WDR48: variants seen among roughly 807,000 people sequenced by gnomAD.
WDR48 encodes the protein WD repeat domain 48, also known as WD repeat-containing protein 48.
WDR48 carries 22 observed loss-of-function variants against 94.0 expected under a neutral mutation model. That is an observed-to-expected ratio of 0.23 (90% confidence interval 0.17 to 0.33). WDR48 has a LOEUF of 0.33. Among genes scored for constraint, WDR48 ranks in the 10% least tolerant of loss-of-function variants. The pLI, the probability that WDR48 is intolerant of heterozygous loss-of-function variation, is 1.00. For synonymous variants in WDR48, 278 were observed against 280.5 expected (o/e 0.99, Z 0.09); for missense variants, 541 against 813.8 (o/e 0.66, Z 4.08).
At chr3:39,090,673 T>C (rs2035032601) in intron 16 of WDR48, 1 of 152,236 alleles carries the variant, frequency 6.6e-6, no homozygotes, top group African/African-American at 2.4e-5. Flanking sequence ...TTTCTACTTA[T>C]CTGGGATGCT....
At chr3:39,078,858 G>A (rs942953303) in intron 10 of WDR48, among the ~76,000 whole-genome samples, 23 of 151,688 alleles carry the variant, frequency 1.5e-4, no homozygotes, top group African/African-American at 4.3e-4. Flanking sequence ...GTGAAACCCC[G>A]TCTCTACTAA....
chr3:39,093,869 T>G lies in WDR48; in HGVS notation c.1746-5T>G. On this transcript the variant is annotated splice_polypyrimidine_tract_variant and splice_region_variant and intron_variant, in intron 17 of 18. Coordinates refer to ENST00000302313, the MANE Select transcript of WDR48 (RefSeq NM_020839.4). ...ATGTCACAATATGCCATTGCTTTTT[T>G]ACAGAGATAGACTCTCTGCTAGTGA... 1 of 1,545,324 alleles carries G rather than the reference T, an allele frequency of 6.5e-7. No individual in the cohort carries two copies. The highest frequency in any genetic ancestry group is 2.1e-5 in the Admixed American group (1 of 48,664).
Position 39,094,639 on chromosome 3 carries a change from G to A in WDR48, c.1939-9G>A, listed in dbSNP as rs2035251996. On this transcript the variant is annotated splice_polypyrimidine_tract_variant and intron_variant, in intron 18 of 18. Transcript: ENST00000302313. ...TTTGAAATTTTTAAATTTAATTTTG[G>A]CTATTCAGGTTTTGGATCCAAATAT... 6.2e-7 allele frequency: 1 copy of A among 1,613,878 alleles called. No homozygotes were observed. Among genetic ancestry groups the A allele is most frequent in the Admixed American group, 1.7e-5 (1 of 59,994 alleles).
intron 15 of WDR48, 54 bp downstream of exon 15, chr3:39,088,287 G>A (rs979465773): frequency 3.2e-5 from 50 of 1,542,252 alleles, no homozygotes; most frequent in Non-Finnish European, 4.5e-5. Context: ...CATTTGCTAA[G>A]AAGTGTCGAC....
intron 11 of WDR48, among the ~76,000 whole-genome samples, chr3:39,080,226 C>T (rs2034450225): frequency 6.6e-6 from 1 of 152,144 alleles, no homozygotes; most frequent in South Asian, 2.1e-4. Context: ...GTGTGGCAAC[C>T]ACAAGTGTCT....
rs1272151885 is a variant in WDR48, at chr3:39,088,184, C to G, written c.1531C>G (p.Pro511Ala). The G allele has an allele frequency of 6.2e-7, 1 of 1,614,110 alleles. No homozygotes were observed. The highest frequency in any genetic ancestry group is 1.7e-5 in the Admixed American group (1 of 60,016). The part of the protein sequence containing the change: ...QKGNGYFQVP[P>A]HTPVIFGEAG... Reference sequence around the variant, plus strand: ...GGGAAATGGATATTTTCAAGTGCCCCCACATACACCCGTGATCTTTGGTGA... The same window carrying G: ...GGGAAATGGATATTTTCAAGTGCCCGCACATACACCCGTGATCTTTGGTGA... Residue 511 changes from proline (P) to alanine (A), a missense_variant, in exon 15 of 19, where the codon CCA becomes GCA. This residue lies in a region of WDR48 where 238 missense variants were observed against 285.3 expected (regional missense o/e 0.83). Transcript: ENST00000302313.
At chr3:39,067,014 C>A in intron 5 of WDR48, 139 bp downstream of exon 5, 1 of 960,610 alleles carries the variant, frequency 1.0e-6, no homozygotes. Context: ...AGCGTTCTGG[C>A]CCCCAAGAGT....
intron 5 of WDR48, 136 bp from the exon 6 acceptor site, chr3:39,068,635 T>G: frequency 1.7e-6 from 1 of 573,864 alleles, no homozygotes; most frequent in Non-Finnish European, 3.2e-6. Context: ...TTTATCTCCA[T>G]TATAGGTAGA....
intron 1 of WDR48, among the ~76,000 whole-genome samples, chr3:39,056,556 C>T (rs1162711376): frequency 1.3e-5 from 2 of 152,074 alleles, no homozygotes; most frequent in African/African-American, 4.8e-5. Flanking sequence ...AAGGAGATGA[C>T]GAGGGAGTGG....
intron 14 of WDR48, chr3:39,087,891 C>A (rs1162219302): frequency 4.4e-6 from 2 of 453,396 alleles, no homozygotes; most frequent in Non-Finnish European, 7.9e-6. Context: ...AAACATTAAT[C>A]TCTTTTATTA....
chr3:39,084,746 G>GT lies in WDR48; in HGVS notation c.1378+8dup. ...CTGATGGGTCAGATCCAAAATGTGA[G>GT]TTTAAGTGTCCTTCATTTTTTTCCT... On this transcript the variant is annotated splice_donor_region_variant and intron_variant, in intron 13 of 18. Coordinates refer to ENST00000302313, the MANE Select transcript of WDR48 (RefSeq NM_020839.4). 6.2e-7 allele frequency: 1 copy of GT among 1,611,332 alleles called. No individual in the cohort carries two copies. Among genetic ancestry groups the GT allele is most frequent in the South Asian group, 1.1e-5 (1 of 90,488 alleles).
chr3:39,075,072 A>G (rs1016504510), intron 8 of WDR48, 122 bp downstream of exon 8: 51 of 946,660 alleles, frequency 5.4e-5, no homozygotes, highest in Non-Finnish European at 7.4e-5. Context: ...AGGTTTGTAA[A>G]AAAGATATTC....
chr3:39,066,434 G>A, intron 3 of WDR48, 114 bp from the exon 4 acceptor site: 3 of 871,226 alleles, frequency 3.4e-6, no homozygotes, highest in Admixed American at 2.7e-5. Flanking sequence ...GTATGTTTGT[G>A]TGTGTAAGAG....
chr3:39,072,462 G>A (rs140805840), intron 7 of WDR48, among the ~76,000 whole-genome samples: 14 of 152,236 alleles, frequency 9.2e-5, no homozygotes, highest in African/African-American at 2.4e-4. Flanking sequence ...AGCTTATGTC[G>A]TCCACTTGGC....
In WDR48 at chr3:39,078,157, T is replaced by C. The variant is rs2034326460; in HGVS notation, c.993T>C (p.Asn331=). The C allele has an allele frequency of 1.2e-6, 2 of 1,612,068 alleles. No individual in the cohort carries two copies. The highest frequency in any genetic ancestry group is 1.7e-4 in the Middle Eastern group (1 of 6,056). Residue 331 remains asparagine, a synonymous_variant, in exon 10 of 19, where the codon AAT becomes AAC. Transcript: ENST00000302313. ...VNKWTLKGIH[N]FRASGDYDND... ...TTTAGACTTTGAAAGGAATTCATAATTTTAGAGCCTCTGGAGATTATGACA... is the reference window on the plus strand; with the variant it reads ...TTTAGACTTTGAAAGGAATTCATAACTTTAGAGCCTCTGGAGATTATGACA...
intron 18 of WDR48, 142 bp downstream of exon 18, chr3:39,094,208 GCTC>G (rs1575441925): frequency 2.7e-6 from 4 of 1,454,738 alleles, no homozygotes; most frequent in Non-Finnish European, 3.6e-6. Context: ...CCACCCTAAA[GCTC>G]CTCTTTACTG....
Position 39,079,750 on chromosome 3 carries a change from A to G in WDR48, c.1115A>G (p.Lys372Arg). ...ATTCAGTGCCACATTCTTAATGATAAGAGACATATATTAACCAAAGATACC... is the reference window on the plus strand; with the variant it reads ...ATTCAGTGCCACATTCTTAATGATAGGAGACATATATTAACCAAAGATACC... ...SIIQCHILND[K>R]RHILTKDTNN... The change falls in exon 11 of 19, where the codon AAG becomes AGG. Residue 372 changes from lysine (K) to arginine (R), a missense_variant. Coordinates refer to ENST00000302313, the MANE Select transcript of WDR48 (RefSeq NM_020839.4). 4 of 1,562,340 alleles carry G rather than the reference A, an allele frequency of 2.6e-6. No individual in the cohort carries two copies. The highest frequency in any genetic ancestry group is 3.4e-6 in the Non-Finnish European group (4 of 1,162,300).
intron 11 of WDR48, among the ~76,000 whole-genome samples, chr3:39,082,569 C>T (rs2034594825): frequency 6.6e-6 from 1 of 152,022 alleles, no homozygotes; most frequent in African/African-American, 2.4e-5. Context: ...CATGAGCAAC[C>T]GTGCCTGCCC....
At chr3:39,077,116 A>G (rs1310898273) in intron 8 of WDR48, 23 bp from the exon 9 acceptor site, 5 of 1,613,640 alleles carry the variant, frequency 3.1e-6, no homozygotes, top group Admixed American at 1.7e-5. Context: ...CCACAAAGCA[A>G]TATTTTTGTG....
Sources: allele counts gnomAD v4.1 joint callset (sites outside exome capture counted in the v4.1 genomes callset), GRCh38; gene constraint gnomAD v4.1.1; regional missense constraint gnomAD v4.1.1; transcripts MANE v1.5; gene names NCBI Gene and HGNC (gene_info 2026-07-23, HGNC 2026-07-21).